Variants in SLC30A8 observed in about 807,000 individuals in gnomAD.
The protein encoded by SLC30A8 is solute carrier family 30 member 8.
In SLC30A8, 27 loss-of-function variants were observed where a neutral mutation model predicts 36.9. The observed-to-expected ratio is 0.73, with a 90% CI of 0.54 to 1.01. The LOEUF (loss-of-function observed/expected upper bound fraction) is 1.01. Ranked by LOEUF, SLC30A8 falls within the 50% of genes least tolerant of loss-of-function variation. The pLI is 0.00. For synonymous variants in SLC30A8, 164 were observed against 172.4 expected (o/e 0.95, Z 0.38); for missense variants, 439 against 452.0 (o/e 0.97, Z 0.26).
chr8:116,964,514 G>A lies in SLC30A8; in HGVS notation c.-266+13395G>A, dbSNP rs140885776. Among the ~76,000 whole-genome samples, 338 of 152,286 alleles carry A rather than the reference G, an allele frequency of 2.2e-3. 3 individuals are homozygous for A. Among genetic ancestry groups the A allele is most frequent in the African/African-American group, 7.8e-3 (325 of 41,554 alleles). On this transcript the variant is annotated intron_variant, in intron 1 of 10. Coordinates refer to the SLC30A8 transcript ENST00000427715. ...AGCTCCTATTACATATCTGGTGCACGTGGAGCTTTTAGGGGAGCTCATCAT... is the reference window on the plus strand; with the variant it reads ...AGCTCCTATTACATATCTGGTGCACATGGAGCTTTTAGGGGAGCTCATCAT...
chr8:117,168,850 G>A (rs1489950770), intron 6 of SLC30A8, among the ~76,000 whole-genome samples: 3 of 152,024 alleles, frequency 2.0e-5, no homozygotes, highest in Admixed American at 2.0e-4. Context: ...TGATATCCCT[G>A]GTTCTGCCAC....
intron 4 of SLC30A8, among the ~76,000 whole-genome samples, chr8:117,160,403 T>TGTG (rs1822717173): frequency 1.1e-4 from 16 of 145,810 alleles, no homozygotes; most frequent in African/African-American, 3.3e-4. Flanking sequence ...AATTTTCCAC[T>TGTG]TGTGTGTGTG....
chr8:117,135,281 G>GAGTT lies in SLC30A8; in HGVS notation c.-46_-43dup. ...TGCTTTGCTTCCAAAACTGGGCAGT[G>GAGTT]AGTTCAACAACAACGACAACAACAG... is the stretch of plus-strand genomic sequence containing the variant. On this transcript the variant is annotated 5_prime_UTR_variant, in exon 1 of 8. Transcript: ENST00000456015. 1 of 1,451,768 alleles carries GAGTT rather than the reference G, an allele frequency of 6.9e-7. No homozygotes were observed. Among genetic ancestry groups the GAGTT allele is most frequent in the Non-Finnish European group, 9.5e-7 (1 of 1,055,834 alleles). The allele number at this position is 1,451,768 out of a possible 1,614,324, so 89.9% of individuals were successfully genotyped here.
intron 1 of SLC30A8, among the ~76,000 whole-genome samples, chr8:117,006,772 ATTTTTTTTTTTTTTTT>A (rs71305456): frequency 3.8e-5 from 3 of 78,922 alleles, no homozygotes; most frequent in Admixed American, 1.7e-4. Flanking sequence ...GAGTCAGGTA[ATTTTTTTTTTTTTTTT>A]TTTTTTTTTT....
intron 2 of SLC30A8, among the ~76,000 whole-genome samples, chr8:117,109,789 T>C (rs1414798217): frequency 6.6e-6 from 1 of 152,128 alleles, no homozygotes; most frequent in Non-Finnish European, 1.5e-5. Context: ...AAAAACTCTT[T>C]AACAAAGAGC....
intron 3 of SLC30A8, among the ~76,000 whole-genome samples, chr8:117,157,022 A>G (rs115755810): frequency 0.024 from 3,648 of 152,248 alleles, 146 homozygotes; most frequent in African/African-American, 0.082. Flanking sequence ...TTAACTCCTA[A>G]GTGAGCAAAT....
intron 2 of SLC30A8, among the ~76,000 whole-genome samples, chr8:117,059,434 A>T (rs1817965284): frequency 6.6e-6 from 1 of 152,238 alleles, no homozygotes; most frequent in South Asian, 2.1e-4. Context: ...GTGAAAGCCA[A>T]GTTGCTGAAC....
intron 2 of SLC30A8, among the ~76,000 whole-genome samples, chr8:117,093,357 A>G (rs116179206): frequency 8.6e-4 from 129 of 150,594 alleles, no homozygotes; most frequent in African/African-American, 3.0e-3. Context: ...ACTCATTCTT[A>G]TTAAGTCTTA....
Position 117,135,193 on chromosome 8 carries a change from A to C in SLC30A8, c.-135A>C. 1 of 537,860 alleles carries C rather than the reference A, an allele frequency of 1.9e-6. No individual in the cohort carries two copies. Among genetic ancestry groups the C allele is most frequent in the Non-Finnish European group, 3.3e-6 (1 of 303,638 alleles). The allele number at this position is 537,860 out of a possible 1,614,324, so 33.3% of individuals were successfully genotyped here. On this transcript the variant is annotated 5_prime_UTR_variant, in exon 1 of 8. Coordinates refer to ENST00000456015, the MANE Select transcript of SLC30A8 (RefSeq NM_173851.3). ...CCAACAACACTGATGTAGGAAGCTC[A>C]TTATTTTAATTTCTGGAGCCTTTTA...
intron 2 of SLC30A8, among the ~76,000 whole-genome samples, chr8:117,063,025 T>C (rs1234484727): frequency 6.6e-6 from 1 of 152,178 alleles, no homozygotes. Context: ...GATGACATAA[T>C]GCTTAATGAC....
intron 1 of SLC30A8, among the ~76,000 whole-genome samples, chr8:116,986,161 C>A (rs1050238809): frequency 4.6e-5 from 7 of 152,130 alleles, no homozygotes; most frequent in African/African-American, 1.7e-4. Flanking sequence ...AGAAAAATAC[C>A]CAGTACGTAG....
rs145677283 is a variant in SLC30A8, at chr8:117,157,766, G to T, written c.494G>T (p.Arg165Leu). The T allele has an allele frequency of 5.6e-6, 9 of 1,614,052 alleles. No homozygotes were observed. Among genetic ancestry groups the T allele is most frequent in the Middle Eastern group, 3.3e-4 (2 of 6,062 alleles). ...GTGCTAGTGTACCTGGCATGTGAGCGCCTGCTGTATCCTGATTACCAGATC... is the reference window on the plus strand; with the variant it reads ...GTGCTAGTGTACCTGGCATGTGAGCTCCTGCTGTATCCTGATTACCAGATC... ...TGVLVYLACE[R>L]LLYPDYQIQA... Residue 165 changes from arginine to leucine, a missense_variant, in exon 4 of 8, where the codon CGC (arginine) becomes CTC (leucine). Physicochemically the swap from Arg to Leu is moderately radical, Grantham distance 102. Coordinates refer to ENST00000456015, the MANE Select transcript of SLC30A8 (RefSeq NM_173851.3).
intron 1 of SLC30A8, among the ~76,000 whole-genome samples, chr8:117,018,673 C>CAT (rs1273478052): frequency 3.2e-5 from 4 of 124,896 alleles, no homozygotes; most frequent in African/African-American, 1.2e-4. Flanking sequence ...GCCCCCCCCC[C>CAT]CCTTTTTTTT....
At chr8:117,117,402 A>C (rs1820488959) in intron 2 of SLC30A8, among the ~76,000 whole-genome samples, 1 of 152,040 alleles carries the variant, frequency 6.6e-6, no homozygotes, top group African/African-American at 2.4e-5. Flanking sequence ...CTTCAGCCAC[A>C]GAGTCAGGTC....
chr8:117,043,919 A>G (rs1817466521), intron 2 of SLC30A8, among the ~76,000 whole-genome samples: 1 of 152,226 alleles, frequency 6.6e-6, no homozygotes, highest in Admixed American at 6.5e-5. Context: ...GGCAACTTTA[A>G]GCTACAGGCT....
intron 1 of SLC30A8, among the ~76,000 whole-genome samples, chr8:116,993,135 G>A (rs894607337): frequency 6.6e-6 from 1 of 151,384 alleles, no homozygotes; most frequent in African/African-American, 2.5e-5. Context: ...TAGTCACAGG[G>A]TGCAACTCTG....
intron 2 of SLC30A8, among the ~76,000 whole-genome samples, chr8:117,148,597 T>A (rs1822013071): frequency 6.6e-6 from 1 of 152,186 alleles, no homozygotes; most frequent in African/African-American, 2.4e-5. Flanking sequence ...CATCCAATTA[T>A]GATTTTATTA....
intron 1 of SLC30A8, chr8:117,017,991 G>A (rs1816572876): frequency 6.6e-6 from 1 of 152,268 alleles, no homozygotes; most frequent in Non-Finnish European, 1.5e-5. Flanking sequence ...ACTTACTGGG[G>A]AGGCTAAAGT....
At chr8:117,051,778 A>T (rs561368749) in intron 2 of SLC30A8, among the ~76,000 whole-genome samples, 1 of 152,034 alleles carries the variant, frequency 6.6e-6, no homozygotes, top group African/African-American at 2.4e-5. Context: ...GTGCCACTGC[A>T]CTCCAGCCTG....
Sources: allele counts gnomAD v4.1 joint callset (sites outside exome capture counted in the v4.1 genomes callset), GRCh38; gene constraint gnomAD v4.1.1; transcripts MANE v1.5; gene names NCBI Gene and HGNC (gene_info 2026-07-23, HGNC 2026-07-21).